Variants in UST observed in about 807,000 individuals in gnomAD.
UST encodes chondroitin sulfate 2-O-sulfotransferase.
UST carries 21 observed loss-of-function variants against 45.6 expected under a neutral mutation model. The observed-to-expected ratio is 0.46, with a 90% CI of 0.33 to 0.66. UST has a LOEUF of 0.66. Ranked by LOEUF, UST falls within the 30% of genes least tolerant of loss-of-function variation. UST has a pLI of 0.02. For synonymous variants in UST, 215 were observed against 200.6 expected, an observed-to-expected ratio of 1.07 and a Z score of -0.61; for missense variants, 463 against 512.4, an observed-to-expected ratio of 0.90 and a Z score of 0.93.
chr6:148,900,383 C>A (rs1315184999), intron 2 of UST, among the ~76,000 whole-genome samples: 1 of 152,146 alleles, frequency 6.6e-6, no homozygotes, highest in Admixed American at 6.5e-5. Flanking sequence ...GTGGGAGGGA[C>A]CCAGTGGGAG....
chr6:149,035,930 TC>T (rs1776233956), intron 7 of UST, among the ~76,000 whole-genome samples: 2 of 152,222 alleles, frequency 1.3e-5, no homozygotes, highest in African/African-American at 4.8e-5. Context: ...TGTCCAGTTT[TC>T]CCACGGAAAA....
At chr6:149,049,956 C>CAA (rs1776458154) in intron 7 of UST, among the ~76,000 whole-genome samples, 1 of 149,518 alleles carries the variant, frequency 6.7e-6, no homozygotes, top group Admixed American at 6.7e-5. Flanking sequence ...CACACACACA[C>CAA]ACACACACAC....
chr6:148,842,816 TA>T (rs1387252279), intron 1 of UST, among the ~76,000 whole-genome samples: 1 of 152,190 alleles, frequency 6.6e-6, no homozygotes, highest in East Asian at 1.9e-4. Context: ...AGGTTTCTTA[TA>T]ACAGGCCTAG....
chr6:148,974,177 T>C (rs1780973175), intron 5 of UST, among the ~76,000 whole-genome samples: 1 of 152,172 alleles, frequency 6.6e-6, no homozygotes, highest in Non-Finnish European at 1.5e-5. Context: ...CATGAGCTTA[T>C]TATTAAAAGG....
At chr6:148,801,529 C>T (rs149791008) in intron 1 of UST, among the ~76,000 whole-genome samples, 1 of 152,208 alleles carries the variant, frequency 6.6e-6, no homozygotes, top group African/African-American at 2.4e-5. Context: ...CATAATGAGG[C>T]CAGCATCCTT....
chr6:148,907,889 G>A (rs971330933), intron 2 of UST, among the ~76,000 whole-genome samples: 1 of 147,528 alleles, frequency 6.8e-6, no homozygotes, highest in Non-Finnish European at 1.5e-5. Flanking sequence ...TTTATGTCAG[G>A]GTGTTTCCAG....
Position 149,074,306 on chromosome 6 carries a change from C to A in UST, c.*190C>A. On this transcript the variant is annotated 3_prime_UTR_variant, in exon 8 of 8. Coordinates refer to ENST00000367463, the MANE Select transcript of UST (RefSeq NM_005715.3). Reference sequence around the variant, plus strand: ...TTTGTTTAATTTTATTCTGTGTTTTCTCTTGGCTCTTTGGGTCTTTCCCGG... The same window carrying A: ...TTTGTTTAATTTTATTCTGTGTTTTATCTTGGCTCTTTGGGTCTTTCCCGG... 1.5e-6 allele frequency: 1 copy of A among 652,664 alleles called. No homozygotes were observed. Among genetic ancestry groups the A allele is most frequent in the Non-Finnish European group, 2.6e-6 (1 of 390,130 alleles). 40.4% of individuals were successfully genotyped at this position (652,664 alleles called of 1,614,324 possible). A position where few individuals can be genotyped will look rare whatever the true frequency, so the allele number is the denominator to read the frequency against.
Position 148,790,466 on chromosome 6 carries a change from C to T in UST, c.247+42789C>T, listed in dbSNP as rs1217448929. Among the ~76,000 whole-genome samples the T allele has an allele frequency of 6.6e-6, 1 of 152,202 alleles. No individual in the cohort carries two copies. The highest frequency in any genetic ancestry group is 1.5e-5 in the Non-Finnish European group (1 of 68,026). On this transcript the variant is annotated intron_variant, in intron 1 of 7. Coordinates refer to ENST00000367463, the MANE Select transcript of UST (RefSeq NM_005715.3). The surrounding 1 kb of genome is among the most constrained non-coding windows in gnomAD (Gnocchi z 4.2). ...TGCCCAGGGGTAGATGGCATACCTC[C>T]TTGGCGAATCTGATTTTGAAGTCCG...
chr6:148,815,591 C>T (rs879148642), intron 1 of UST, among the ~76,000 whole-genome samples: 1 of 151,976 alleles, frequency 6.6e-6, no homozygotes, highest in Admixed American at 6.6e-5. Context: ...GGAAAAATCA[C>T]CCTTTAATTT....
At chr6:148,990,795 C>T (rs1237138983) in intron 5 of UST, among the ~76,000 whole-genome samples, 1 of 152,158 alleles carries the variant, frequency 6.6e-6, no homozygotes, top group Non-Finnish European at 1.5e-5. Context: ...TTATAAGAGA[C>T]ATAAATATTG....
intron 1 of UST, among the ~76,000 whole-genome samples, chr6:148,882,212 G>A (rs1778834698): frequency 1.3e-5 from 2 of 152,018 alleles, no homozygotes; most frequent in African/African-American, 2.4e-5. Flanking sequence ...CTGGTTGGGC[G>A]CAGTGGCTCA....
intron 2 of UST, among the ~76,000 whole-genome samples, chr6:148,932,796 G>A (rs952180362): frequency 1.3e-5 from 2 of 152,216 alleles, no homozygotes; most frequent in African/African-American, 4.8e-5. Flanking sequence ...TAGTGATGAT[G>A]TGCGTTATGG....
intron 5 of UST, among the ~76,000 whole-genome samples, chr6:148,981,323 G>A (rs1354288721): frequency 6.6e-6 from 1 of 152,136 alleles, no homozygotes; most frequent in Non-Finnish European, 1.5e-5. Context: ...CAGTGAAGCC[G>A]CCTCCATTAA....
chr6:148,927,821 G>T (rs1281813623), intron 2 of UST, among the ~76,000 whole-genome samples: 1 of 152,228 alleles, frequency 6.6e-6, no homozygotes, highest in Non-Finnish European at 1.5e-5. Flanking sequence ...ATGGGGCCAA[G>T]AAGTTATGCT....
chr6:148,783,931 T>C (rs1776689841), intron 1 of UST, among the ~76,000 whole-genome samples: 2 of 152,306 alleles, frequency 1.3e-5, no homozygotes, highest in Admixed American at 1.3e-4. Context: ...GATTCAATGA[T>C]ATCTTCAAAG....
chr6:148,936,692 GTTTA>G (rs1046612067), intron 2 of UST, among the ~76,000 whole-genome samples: 2 of 138,128 alleles, frequency 1.4e-5, no homozygotes, highest in Non-Finnish European at 1.6e-5. Flanking sequence ...TTTTCTTTTT[GTTTA>G]TTTATTTTTA....
At chr6:148,847,272 A>G (rs1050026259) in intron 1 of UST, among the ~76,000 whole-genome samples, 3 of 152,208 alleles carry the variant, frequency 2.0e-5, no homozygotes, top group Admixed American at 6.5e-5. Context: ...GCTACAGTCA[A>G]AGTGTCAGCT....
At chr6:149,020,314 C>G (rs1775959860) in intron 6 of UST, among the ~76,000 whole-genome samples, 1 of 152,116 alleles carries the variant, frequency 6.6e-6, no homozygotes, top group Non-Finnish European at 1.5e-5. Flanking sequence ...TCCCCTGCCC[C>G]CGACCCTTGC....
At chr6:148,899,391 A>G (rs1438002155) in intron 2 of UST, among the ~76,000 whole-genome samples, 1 of 152,006 alleles carries the variant, frequency 6.6e-6, no homozygotes, top group Non-Finnish European at 1.5e-5. Context: ...GAGCCACCGC[A>G]CCCAGCCTAC....
Sources: allele counts gnomAD v4.1 joint callset (sites outside exome capture counted in the v4.1 genomes callset), GRCh38; gene constraint gnomAD v4.1.1; non-coding constraint Gnocchi (gnomAD v3.1); transcripts MANE v1.5; gene names NCBI Gene and HGNC (gene_info 2026-07-23, HGNC 2026-07-21).